RNF157: variants seen among roughly 807,000 people sequenced by gnomAD.
The protein encoded by RNF157 is ring finger protein 157, also known as E3 ubiquitin ligase RNF157.
Under a neutral mutation model 88.3 loss-of-function variants are expected in RNF157, and 55 were observed. The observed-to-expected ratio is 0.62, with a 90% CI of 0.50 to 0.78. RNF157 has a LOEUF of 0.78. RNF157 is among the 30% of genes least tolerant of loss of function. RNF157 has a pLI of 0.00. For missense variants in RNF157, 788 were observed against 860.8 expected (o/e 0.92, Z 1.06); for synonymous variants, 334 against 341.2 (o/e 0.98, Z 0.23).
chr17:76,209,421 CT>C (rs1188533675), intron 2 of RNF157, among the ~76,000 whole-genome samples: 1 of 152,078 alleles, frequency 6.6e-6, no homozygotes, highest in Non-Finnish European at 1.5e-5. Context: ...GGGTAGATGG[CT>C]TTTAATGTGG....
At chr17:76,159,261 G>A (rs1337712519) in intron 12 of RNF157, 74 bp downstream of exon 12, 7 of 1,330,608 alleles carry the variant, frequency 5.3e-6, no homozygotes, top group Non-Finnish European at 7.5e-6. Context: ...CCAGGATGTG[G>A]GCCAGCACCA....
intron 6 of RNF157, 66 bp downstream of exon 6, chr17:76,166,395 C>T (rs2068924870): frequency 1.5e-6 from 2 of 1,341,646 alleles, no homozygotes; most frequent in Non-Finnish European, 2.1e-6. Flanking sequence ...GGGGCCACAG[C>T]TGCTGCCAGG....
chr17:76,165,895 C>T (rs1465866992), intron 6 of RNF157, among the ~76,000 whole-genome samples: 1 of 152,018 alleles, frequency 6.6e-6, no homozygotes. Context: ...TCAGGCTGGT[C>T]TCAAACTCTT....
chr17:76,156,623 T>C (rs1165162284), intron 13 of RNF157: 2 of 671,220 alleles, frequency 3.0e-6, no homozygotes, highest in Non-Finnish European at 3.7e-6. Context: ...AGCTGTGACA[T>C]GGGGACACCC....
intron 2 of RNF157, among the ~76,000 whole-genome samples, chr17:76,209,142 C>G (rs563938797): frequency 6.6e-6 from 1 of 151,766 alleles, no homozygotes; most frequent in Non-Finnish European, 1.5e-5. Flanking sequence ...AAACTGGACT[C>G]GAATTCTCCT....
chr17:76,205,274 G>A (rs1211902962), intron 2 of RNF157, among the ~76,000 whole-genome samples: 1 of 151,514 alleles, frequency 6.6e-6, no homozygotes, highest in Non-Finnish European at 1.5e-5. Context: ...AAGTAGCTAG[G>A]AATATAGGTG....
rs753628786 is a variant in RNF157 at position 76,240,114 on chromosome 17, C to T, written c.88+39G>A. The T allele has an allele frequency of 3.6e-5, 44 of 1,223,546 alleles. No homozygotes were observed. The highest frequency in any genetic ancestry group is 4.6e-5 in the Non-Finnish European group (44 of 962,334). The allele number at this position is 1,223,546 out of a possible 1,614,324, so 75.8% of individuals were successfully genotyped here. A position where few individuals can be genotyped will look rare whatever the true frequency, so the allele number is the denominator to read the frequency against. ...CCGACCCAGACCCCTGCCCCTGCCC[C>T]TCTCCCTCCTCGCGGCTGCGGCGCC... On this transcript the variant is annotated intron_variant, in intron 1 of 18. Transcript: ENST00000269391. This position sits in a 1 kb window ranked among gnomAD's most constrained non-coding sequence, Gnocchi z 4.4.
chr17:76,239,778 G>T (rs994510762), intron 1 of RNF157, among the ~76,000 whole-genome samples: 1 of 152,158 alleles, frequency 6.6e-6, no homozygotes, highest in Non-Finnish European at 1.5e-5. Context: ...GCTTTGGGCC[G>T]GGCCGGCCGG....
chr17:76,219,968 T>G (rs2069953087), intron 1 of RNF157, among the ~76,000 whole-genome samples: 3 of 152,188 alleles, frequency 2.0e-5, no homozygotes, highest in Admixed American at 2.0e-4. Context: ...AAAAACCATA[T>G]AGTCCTGAAT....
intron 14 of RNF157, 100 bp downstream of exon 14, chr17:76,156,110 T>C (rs2068759190): frequency 1.1e-6 from 1 of 893,034 alleles, no homozygotes; most frequent in African/African-American, 1.6e-5. Context: ...AGTACAGGTA[T>C]TAGCTTGCCA....
At position 76,150,302 on chromosome 17, in the gene RNF157, T is replaced by G. The variant is rs548849951; in HGVS notation, c.1921+2053A>C. On this transcript the variant is annotated intron_variant, in intron 18 of 18. Transcript: ENST00000269391. Reference sequence around the variant, plus strand: ...TCTGGCACAAACTGTGAGCCCACCATAATCTCTAAATAGCTGGCTCCACAA... The same window carrying G: ...TCTGGCACAAACTGTGAGCCCACCAGAATCTCTAAATAGCTGGCTCCACAA... Among the ~76,000 whole-genome samples the G allele has an allele frequency of 3.3e-5, 5 of 152,210 alleles. No homozygotes were observed. In the East Asian group the frequency reaches 9.7e-4, roughly 29 times the overall value.
rs999874529 is a variant in RNF157, at chr17:76,145,795, G to A, written c.1922-442C>T. Among the ~76,000 whole-genome samples, 65 of 152,208 alleles carry A rather than the reference G, an allele frequency of 4.3e-4. 1 individual carries two copies. Among genetic ancestry groups the A allele is most frequent in the Non-Finnish European group, 5.9e-5 (4 of 68,028 alleles). ...CTGTTCGTTCTGGCCGAGTGTTAAT[G>A]TTTTCTGTGGGGGCCCAGGCGGGGC... On this transcript the variant is annotated intron_variant, in intron 18 of 18. Transcript: ENST00000269391.
rs577947380 is a variant in RNF157, at chr17:76,240,380, G to A, written c.-140C>T. The A allele has an allele frequency of 5.1e-6, 1 of 195,480 alleles. No homozygotes were observed. Among genetic ancestry groups the A allele is most frequent in the Non-Finnish European group, 9.0e-6 (1 of 110,902 alleles). The allele number at this position is 195,480 out of a possible 1,614,324, so 12.1% of individuals were successfully genotyped here. A position where few individuals can be genotyped will look rare whatever the true frequency, so the allele number is the denominator to read the frequency against. ...TCCGCTGCGGCGCTGCGGCTCTGGC[G>A]GCGGGGAGCCCCCGGCGCGCCGCGC... On this transcript the variant is annotated 5_prime_UTR_variant, in exon 1 of 19. Transcript: ENST00000269391. The surrounding 1 kb of genome is among the most constrained non-coding windows in gnomAD (Gnocchi z 4.4).
At chr17:76,238,184 G>T (rs1016293810) in intron 1 of RNF157, among the ~76,000 whole-genome samples, 1 of 151,866 alleles carries the variant, frequency 6.6e-6, no homozygotes, top group African/African-American at 2.4e-5. Context: ...ATCCCATAAA[G>T]AGCCAGGTCA....
chr17:76,148,220 T>G (rs1322618262), intron 18 of RNF157, among the ~76,000 whole-genome samples: 1 of 151,954 alleles, frequency 6.6e-6, no homozygotes, highest in Non-Finnish European at 1.5e-5. Flanking sequence ...ATTTAAAAAT[T>G]GTATTGGTAT....
chr17:76,220,659 T>C (rs1430867512), intron 1 of RNF157, among the ~76,000 whole-genome samples: 3 of 151,740 alleles, frequency 2.0e-5, no homozygotes, highest in Non-Finnish European at 4.4e-5. Flanking sequence ...TTTATTATTT[T>C]TTTTTTTTTA....
At chr17:76,223,919 A>T (rs1368748996) in intron 1 of RNF157, among the ~76,000 whole-genome samples, 1 of 152,244 alleles carries the variant, frequency 6.6e-6, no homozygotes, top group African/African-American at 2.4e-5. Flanking sequence ...ATCAGAAAGA[A>T]GTAAGTATAA....
chr17:76,156,175 G>T, intron 14 of RNF157, 35 bp downstream of exon 14: 1 of 1,527,434 alleles, frequency 6.5e-7, no homozygotes, highest in Non-Finnish European at 9.1e-7. Context: ...GGGTAAGGGG[G>T]AAGGACATGC....
At chr17:76,211,682 C>G in intron 2 of RNF157, among the ~76,000 whole-genome samples, 1 of 152,138 alleles carries the variant, frequency 6.6e-6, no homozygotes, top group Non-Finnish European at 1.5e-5. Flanking sequence ...GTGATAAGTC[C>G]TAAGTCAAGT....
Sources: gnomAD v4.1 joint callset for allele counts (sites outside exome capture counted in the v4.1 genomes callset) on GRCh38, gnomAD v4.1.1 for gene constraint, Gnocchi (gnomAD v3.1) non-coding constraint, MANE v1.5 for transcripts, NCBI Gene and HGNC (gene_info 2026-07-23, HGNC 2026-07-21) for gene names.